Variants in TXNL1 observed in about 807,000 individuals in gnomAD.
TXNL1 encodes the protein thioredoxin like 1, also known as thioredoxin-like protein 1.
A neutral mutation model predicts 35.5 loss-of-function variants in TXNL1; 14 were observed. That is an observed-to-expected ratio of 0.39 (90% confidence interval 0.26 to 0.62). The LOEUF is 0.62. TXNL1 is among the 20% of genes least tolerant of loss of function. The probability of loss-of-function intolerance (pLI) is 0.47; values close to 1 mark genes in which losing one functional copy is unlikely to be tolerated. For missense variants in TXNL1, 263 were observed against 349.7 expected (o/e 0.75, Z 1.98); for synonymous variants, 110 against 115.5 (o/e 0.95, Z 0.31).
intron 3 of TXNL1, among the ~76,000 whole-genome samples, chr18:56,623,823 T>G (rs1421047865): frequency 6.6e-6 from 1 of 151,688 alleles, no homozygotes; most frequent in Non-Finnish European, 1.5e-5. Flanking sequence ...TTAAATACAG[T>G]GCCAGAAAAG....
At chr18:56,624,808 A>C (rs549952122) in intron 2 of TXNL1, among the ~76,000 whole-genome samples, 1 of 152,328 alleles carries the variant, frequency 6.6e-6, no homozygotes, top group Non-Finnish European at 1.5e-5. Flanking sequence ...ATAACCAAGA[A>C]GGGTATTGAT....
chr18:56,615,277 T>C (rs2024065551), intron 5 of TXNL1, among the ~76,000 whole-genome samples: 1 of 151,776 alleles, frequency 6.6e-6, no homozygotes, highest in South Asian at 2.1e-4. Context: ...CTTTGTAATT[T>C]CAGAGTAAAA....
rs2144269616 is a variant in TXNL1 at position 56,601,981 on chromosome 18, C to G, written c.*1046G>C. 1 of 152,198 alleles carries G rather than the reference C, an allele frequency of 6.6e-6. No homozygotes were observed. 9.4% of individuals were successfully genotyped at this position (152,198 alleles called of 1,614,324 possible). Reference sequence around the variant, plus strand: ...ATTTACACTGCACGTTTTGGTAGTTCAGGTAATAAATACTTGATTAAGGGT... The same window carrying G: ...ATTTACACTGCACGTTTTGGTAGTTGAGGTAATAAATACTTGATTAAGGGT... On this transcript the variant is annotated 3_prime_UTR_variant, in exon 8 of 8. Coordinates refer to ENST00000217515, the MANE Select transcript of TXNL1 (RefSeq NM_004786.3).
In TXNL1 at chr18:56,599,841, G is replaced by A. The variant is rs1293797729; in HGVS notation, c.*3186C>T. 2 of 152,028 alleles carry A rather than the reference G, an allele frequency of 1.3e-5. No homozygotes were observed. The highest frequency in any genetic ancestry group is 4.8e-5 in the African/African-American group (2 of 41,372). The allele number at this position is 152,028 out of a possible 1,614,324, so 9.4% of individuals were successfully genotyped here. A position where few individuals can be genotyped will look rare whatever the true frequency, so the allele number is the denominator to read the frequency against. The stretch of plus-strand genomic sequence containing the variant: ...CCCAAAATGCTGGGATTACAGGCAT[G>A]AGCCACTGTTCCCAGCTGGATTTCT... On this transcript the variant is annotated 3_prime_UTR_variant, in exon 8 of 8. Coordinates refer to ENST00000217515, the MANE Select transcript of TXNL1 (RefSeq NM_004786.3).
intron 7 of TXNL1, among the ~76,000 whole-genome samples, chr18:56,607,781 G>A (rs1210851981): frequency 1.3e-5 from 2 of 152,078 alleles, no homozygotes; most frequent in Non-Finnish European, 2.9e-5. Context: ...ACTTGAACCC[G>A]GGAGGCAGAG....
intron 1 of TXNL1, among the ~76,000 whole-genome samples, chr18:56,630,163 C>T (rs1304030375): frequency 6.6e-6 from 1 of 150,974 alleles, no homozygotes; most frequent in Non-Finnish European, 1.5e-5. Flanking sequence ...AGATCGTGCA[C>T]TCCAGCCTGG....
At chr18:56,612,019 T>A (rs1420271203) in intron 6 of TXNL1, among the ~76,000 whole-genome samples, 2 of 145,294 alleles carry the variant, frequency 1.4e-5, no homozygotes, top group Admixed American at 1.4e-4. Context: ...CGGCTAATCT[T>A]TTTTTTTTTT....
At chr18:56,635,357 C>T (rs2024440058) in intron 1 of TXNL1, among the ~76,000 whole-genome samples, 1 of 152,116 alleles carries the variant, frequency 6.6e-6, no homozygotes, top group Admixed American at 6.6e-5. Context: ...GAAGACACAA[C>T]TGGAATGTCC....
intron 1 of TXNL1, among the ~76,000 whole-genome samples, chr18:56,635,519 T>C (rs1391118813): frequency 6.6e-6 from 1 of 152,108 alleles, no homozygotes; most frequent in Admixed American, 6.6e-5. Flanking sequence ...AAAGGACAAA[T>C]ATTGTTACGA....
intron 4 of TXNL1, 41 bp downstream of exon 4, chr18:56,617,963 T>C (rs1357956643): frequency 1.9e-6 from 3 of 1,608,460 alleles, no homozygotes; most frequent in South Asian, 1.1e-5. Flanking sequence ...CAGGCATAAA[T>C]AGTGATAATC....
chr18:56,600,447 T>C lies in TXNL1; in HGVS notation c.*2580A>G, dbSNP rs1270636932. On this transcript the variant is annotated 3_prime_UTR_variant, in exon 8 of 8. Transcript: ENST00000217515. ...TTACGTGGCTGCCTCCAACAGAATA[T>C]TGAGACTGGGGAACAATGTGGGGCA... is the stretch of plus-strand genomic sequence containing the variant. 4.1e-5 allele frequency: 6 copies of C among 145,346 alleles called. No homozygotes were observed. Among genetic ancestry groups the C allele is most frequent in the Admixed American group, 7.0e-5 (1 of 14,372 alleles). The allele number at this position is 145,346 out of a possible 1,614,324, so 9.0% of individuals were successfully genotyped here.
At position 56,602,720 on chromosome 18, in the gene TXNL1, T is replaced by A. The variant is rs1175912478; in HGVS notation, c.*307A>T. On this transcript the variant is annotated 3_prime_UTR_variant, in exon 8 of 8. Coordinates refer to ENST00000217515, the MANE Select transcript of TXNL1 (RefSeq NM_004786.3). ...TCTCCTTTTCTAAAGAAACTGGCTT[T>A]CAATCAATATACTACCAGACACTTA... 1 of 415,974 alleles carries A rather than the reference T, an allele frequency of 2.4e-6. No homozygotes were observed. The highest frequency in any genetic ancestry group is 4.3e-5 in the Admixed American group (1 of 23,126). The allele number at this position is 415,974 out of a possible 1,614,324, so 25.8% of individuals were successfully genotyped here. A position where few individuals can be genotyped will look rare whatever the true frequency, so the allele number is the denominator to read the frequency against.
At chr18:56,628,771 T>C (rs1313594142) in intron 1 of TXNL1, among the ~76,000 whole-genome samples, 1 of 152,208 alleles carries the variant, frequency 6.6e-6, no homozygotes, top group East Asian at 1.9e-4. Context: ...ACATTTCTAA[T>C]TGTGTGCCAT....
chr18:56,631,918 C>T (rs375728077), intron 1 of TXNL1, among the ~76,000 whole-genome samples: 13 of 140,504 alleles, frequency 9.3e-5, no homozygotes, highest in African/African-American at 3.2e-4. Flanking sequence ...GAAACTCTGT[C>T]TCAAAAAAAA....
rs1016464565 is a variant in TXNL1, at chr18:56,598,799, TA to T, written c.*4227del. 3 of 152,214 alleles carry T rather than the reference TA, an allele frequency of 2.0e-5. No individual in the cohort carries two copies. The highest frequency in any genetic ancestry group is 7.2e-5 in the African/African-American group (3 of 41,460). 9.4% of individuals were successfully genotyped at this position (152,214 alleles called of 1,614,324 possible). A position where few individuals can be genotyped will look rare whatever the true frequency, so the allele number is the denominator to read the frequency against. On this transcript the variant is annotated 3_prime_UTR_variant, in exon 8 of 8. Transcript: ENST00000217515. ...AACAAGTCTAAGAGATAGATGTTCC[TA>T]TTTTTACACAAGAAGAAATTTGAGC...
Position 56,602,756 on chromosome 18 carries a change from A to G in TXNL1, c.*271T>C. The G allele has an allele frequency of 1.9e-6, 1 of 540,268 alleles. No homozygotes were observed. The highest frequency in any genetic ancestry group is 3.3e-6 in the Non-Finnish European group (1 of 306,142). The allele number at this position is 540,268 out of a possible 1,614,324, so 33.5% of individuals were successfully genotyped here. A position where few individuals can be genotyped will look rare whatever the true frequency, so the allele number is the denominator to read the frequency against. ...ACTACCAGACACTTAAGTCTCTACT[A>G]AAATCAGAAGTTAACCAGTTTTCAA... On this transcript the variant is annotated 3_prime_UTR_variant, in exon 8 of 8. Transcript: ENST00000217515.
rs994720369 is a variant in TXNL1, at chr18:56,600,361, G to C, written c.*2666C>G. ...AGGTTTCAACTCTAATTGTTACGTG[G>C]CTGCCTCCAACAGAATATTGAGACT... On this transcript the variant is annotated 3_prime_UTR_variant, in exon 8 of 8. Coordinates refer to ENST00000217515, the MANE Select transcript of TXNL1 (RefSeq NM_004786.3). 6.6e-6 allele frequency: 1 copy of C among 150,428 alleles called. No individual in the cohort carries two copies. The highest frequency in any genetic ancestry group is 1.5e-5 in the Non-Finnish European group (1 of 67,708). 9.3% of individuals were successfully genotyped at this position (150,428 alleles called of 1,614,324 possible).
intron 6 of TXNL1, among the ~76,000 whole-genome samples, chr18:56,613,795 A>G (rs532810996): frequency 3.9e-5 from 6 of 152,288 alleles, no homozygotes; most frequent in African/African-American, 1.4e-4. Flanking sequence ...TGGACAACAA[A>G]GCAAGAACCT....
intron 4 of TXNL1, 69 bp from the exon 5 acceptor site, chr18:56,616,383 G>T: frequency 2.2e-6 from 3 of 1,337,734 alleles, no homozygotes; most frequent in Non-Finnish European, 3.1e-6. Flanking sequence ...TACTGAAGCA[G>T]AATGAAAATA....
Sources: gnomAD v4.1 joint callset for allele counts (sites outside exome capture counted in the v4.1 genomes callset) on GRCh38, gnomAD v4.1.1 for gene constraint, MANE v1.5 for transcripts, NCBI Gene and HGNC (gene_info 2026-07-23, HGNC 2026-07-21) for gene names.